The following SKAP1 variants were observed in gnomAD, a reference collection of about 807,000 sequenced individuals.
SKAP1 encodes src kinase-associated phosphoprotein 1.
Under a neutral mutation model 58.5 loss-of-function variants are expected in SKAP1, and 44 were observed. The ratio of observed to expected loss-of-function variants is 0.75; its 90% CI spans 0.59 to 0.97. SKAP1 has a LOEUF of 0.97. Ranked by LOEUF, SKAP1 falls within the 50% of genes least tolerant of loss-of-function variation. SKAP1 has a pLI of 0.00. For synonymous variants in SKAP1, 127 were observed against 149.7 expected, an observed-to-expected ratio of 0.85 and a Z score of 1.11; for missense variants, 390 against 435.2, an observed-to-expected ratio of 0.90 and a Z score of 0.92.
intron 1 of SKAP1, among the ~76,000 whole-genome samples, chr17:48,414,434 G>A (rs563048946): frequency 2.6e-5 from 4 of 152,208 alleles, no homozygotes; most frequent in African/African-American, 9.6e-5. Context: ...TCAAATTGGA[G>A]GGCAGAACAC....
chr17:48,184,894 C>T (rs368470786), intron 6 of SKAP1, 47 bp from the exon 7 acceptor site: 2 of 1,580,144 alleles, frequency 1.3e-6, no homozygotes, highest in Non-Finnish European at 1.7e-6. Flanking sequence ...ATGCAACTGC[C>T]AAGGGAAGGC....
chr17:48,323,185 T>C (rs1001789288), intron 4 of SKAP1, among the ~76,000 whole-genome samples: 1 of 145,028 alleles, frequency 6.9e-6, no homozygotes, highest in Admixed American at 6.9e-5. Flanking sequence ...AAGAGGGAAA[T>C]AGTTAAGTTT....
chr17:48,383,647 C>G (rs971903564), intron 2 of SKAP1, among the ~76,000 whole-genome samples: 3 of 151,916 alleles, frequency 2.0e-5, no homozygotes, highest in Non-Finnish European at 2.9e-5. Context: ...TCCTACATCT[C>G]TCCCTGTCAG....
chr17:48,324,220 C>G (rs903436287), intron 4 of SKAP1, among the ~76,000 whole-genome samples: 7 of 152,034 alleles, frequency 4.6e-5, no homozygotes, highest in Non-Finnish European at 8.8e-5. Context: ...TGTATCCTGC[C>G]TTTTCCCTTT....
intron 4 of SKAP1, among the ~76,000 whole-genome samples, chr17:48,202,941 G>A (rs2064747520): frequency 6.6e-6 from 1 of 152,156 alleles, no homozygotes; most frequent in South Asian, 2.1e-4. Context: ...TTAGCAAGTA[G>A]CAAATCGGGA....
At chr17:48,345,858 A>G in intron 4 of SKAP1, 47 bp downstream of exon 4, 3 of 1,299,796 alleles carry the variant, frequency 2.3e-6, no homozygotes, top group Non-Finnish European at 3.3e-6. Flanking sequence ...AGGCCAGAAG[A>G]TAATGAAGTA....
At chr17:48,174,209 C>T (rs968942264) in intron 9 of SKAP1, among the ~76,000 whole-genome samples, 3 of 152,248 alleles carry the variant, frequency 2.0e-5, no homozygotes, top group East Asian at 1.9e-4. Context: ...CTAAGCTCTA[C>T]GATGATGGAT....
chr17:48,163,454 T>C (rs1257443821), intron 10 of SKAP1, among the ~76,000 whole-genome samples: 2 of 152,124 alleles, frequency 1.3e-5, no homozygotes, highest in East Asian at 3.8e-4. Flanking sequence ...AACACTAGAG[T>C]ACAAAGTGGG....
intron 4 of SKAP1, among the ~76,000 whole-genome samples, chr17:48,230,773 T>C (rs947409583): frequency 2.0e-5 from 3 of 152,082 alleles, no homozygotes; most frequent in Non-Finnish European, 2.9e-5. Flanking sequence ...AATTGTTTTA[T>C]GAGTGAGTAA....
chr17:48,182,256 A>G, intron 8 of SKAP1, 138 bp downstream of exon 8: 1 of 655,470 alleles, frequency 1.5e-6, no homozygotes, highest in Non-Finnish European at 2.7e-6. Context: ...TGTTGTTGTA[A>G]TATGGGGAAT....
chr17:48,385,112 C>A (rs1419503426), intron 2 of SKAP1, among the ~76,000 whole-genome samples: 1 of 152,130 alleles, frequency 6.6e-6, no homozygotes, highest in Non-Finnish European at 1.5e-5. Context: ...TCAGCAGTGT[C>A]AAATGCTACA....
intron 4 of SKAP1, among the ~76,000 whole-genome samples, chr17:48,304,942 G>A (rs920809941): frequency 1.3e-5 from 2 of 152,014 alleles, no homozygotes; most frequent in Admixed American, 1.3e-4. Context: ...TAGTAGTAAT[G>A]AACTAGAGAC....
chr17:48,204,971 T>TC (rs963329996), intron 4 of SKAP1, among the ~76,000 whole-genome samples: 1 of 45,670 alleles, frequency 2.2e-5, no homozygotes, highest in Non-Finnish European at 4.1e-5. Flanking sequence ...TCTTTTCTTT[T>TC]CTTTTCTTTC....
chr17:48,188,710 A>G (rs1045998267), intron 5 of SKAP1, among the ~76,000 whole-genome samples: 86 of 151,548 alleles, frequency 5.7e-4, no homozygotes, highest in African/African-American at 1.7e-3. Flanking sequence ...AAGAAAGAAA[A>G]AAAAAAGGCC....
In SKAP1 at chr17:48,328,702, CCT is replaced by C. The variant is rs1238878476; in HGVS notation, c.280+17201_280+17202del. 1.2e-4 allele frequency among the ~76,000 whole-genome samples: 18 copies of C among 152,256 alleles called. No homozygotes were observed. In the Middle Eastern group the frequency reaches 0.014, roughly 115 times the overall value. Reference sequence around the variant, plus strand: ...TTCAAAGCACTTTGCCAGGTCACTTCCTTTCTTCCACTCCACATCCTGTTTTC... The same window carrying C: ...TTCAAAGCACTTTGCCAGGTCACTTCTTCTTCCACTCCACATCCTGTTTTC... On this transcript the variant is annotated intron_variant, in intron 4 of 12. Coordinates refer to ENST00000336915, the MANE Select transcript of SKAP1 (RefSeq NM_003726.4).
At chr17:48,347,080 T>G (rs1237985841) in intron 3 of SKAP1, among the ~76,000 whole-genome samples, 3 of 152,158 alleles carry the variant, frequency 2.0e-5, no homozygotes, top group Non-Finnish European at 4.4e-5. Context: ...TATGATACTT[T>G]AAAAGGTTCA....
At chr17:48,250,526 C>A (rs2065352226) in intron 4 of SKAP1, among the ~76,000 whole-genome samples, 1 of 151,662 alleles carries the variant, frequency 6.6e-6, no homozygotes, top group African/African-American at 2.4e-5. Flanking sequence ...TGTGATCTGC[C>A]CGTCTCAGCT....
intron 4 of SKAP1, among the ~76,000 whole-genome samples, chr17:48,278,886 A>T (rs1192992260): frequency 6.6e-6 from 1 of 152,160 alleles, no homozygotes; most frequent in African/African-American, 2.4e-5. Flanking sequence ...AACTATTCCT[A>T]TCCTCCCCTC....
intron 2 of SKAP1, among the ~76,000 whole-genome samples, chr17:48,372,570 GC>G (rs2067100898): frequency 6.6e-6 from 1 of 152,172 alleles, no homozygotes; most frequent in Non-Finnish European, 1.5e-5. Context: ...CTCCCAAAGT[GC>G]TGGGATTACA....
Sources: allele counts gnomAD v4.1 joint callset (sites outside exome capture counted in the v4.1 genomes callset), GRCh38; gene constraint gnomAD v4.1.1; transcripts MANE v1.5; gene names NCBI Gene and HGNC (gene_info 2026-07-23, HGNC 2026-07-21).